The following CRX variants were observed in gnomAD, a reference collection of about 807,000 sequenced individuals.
CRX encodes the protein cone-rod homeobox.
CRX carries 5 observed loss-of-function variants against 13.1 expected under a neutral mutation model. The ratio of observed to expected loss-of-function variants is 0.38; its 90% CI spans 0.20 to 0.80. The LOEUF is 0.80. Ranked by LOEUF, CRX falls within the 30% of genes least tolerant of loss-of-function variation. The pLI, the probability that CRX is intolerant of heterozygous loss-of-function variation, is 0.43. For synonymous variants in CRX, 179 were observed against 171.1 expected (o/e 1.05, Z -0.36); for missense variants, 351 against 391.8 (o/e 0.90, Z 0.88).
At position 47,839,421 on chromosome 19, in the gene CRX, G is replaced by T. The variant is rs1266328918; in HGVS notation, c.354G>T (p.Lys118Asn). ...GCCAGGCCAAGGCCCGGCCTGCCAA[G>T]AGGAAGGCGGGCACGTCCCCAAGAC... is the stretch of plus-strand genomic sequence containing the variant. ...PGGQAKARPA[K>N]RKAGTSPRPS... is the part of the protein sequence containing the mutation. Residue 118 changes from lysine to asparagine, a missense_variant, in exon 4 of 4, where the codon AAG becomes AAT. By Grantham distance (94) the Lys-to-Asn change is moderately conservative. This residue lies in a region of CRX where 253 missense variants were observed against 268.3 expected (regional missense o/e 0.94). Transcript: ENST00000221996. This position sits in a 1 kb window ranked among gnomAD's most constrained non-coding sequence, Gnocchi z 4.6. 1 of 1,613,850 alleles carries T rather than the reference G, an allele frequency of 6.2e-7. No individual in the cohort carries two copies. Among genetic ancestry groups the T allele is most frequent in the Non-Finnish European group, 8.5e-7 (1 of 1,179,868 alleles).
At chr19:47,823,782 T>C (rs1429908182) in intron 1 of CRX, among the ~76,000 whole-genome samples, 1 of 151,878 alleles carries the variant, frequency 6.6e-6, no homozygotes, top group Non-Finnish European at 1.5e-5. Flanking sequence ...CTCAAGTATC[T>C]GGGATTACAG....
Position 47,839,444 on chromosome 19 carries a change from G to C in CRX, c.377G>C (p.Arg126Thr). 6.2e-7 allele frequency: 1 copy of C among 1,613,950 alleles called. No homozygotes were observed. Among genetic ancestry groups the C allele is most frequent in the Non-Finnish European group, 8.5e-7 (1 of 1,179,914 alleles). The change falls in exon 4 of 4, where the codon AGA becomes ACA. Residue 126 changes from arginine to threonine, a missense_variant. Physicochemically the swap from Arg to Thr is moderately conservative, Grantham distance 71 (BLOSUM62 -1). Around this residue, in one of 3 missense-constraint regions of CRX, gnomAD observed 253 missense variants for 268.3 expected, o/e 0.94. Transcript: ENST00000221996. The surrounding 1 kb of genome is among the most constrained non-coding windows in gnomAD (Gnocchi z 4.6). ...PAKRKAGTSP[R>T]PSTDVCPDPL... ...AAGAGGAAGGCGGGCACGTCCCCAAGACCCTCCACAGATGTGTGTCCAGAC... is the reference window on the plus strand; with the variant it reads ...AAGAGGAAGGCGGGCACGTCCCCAACACCCTCCACAGATGTGTGTCCAGAC...
chr19:47,823,426 T>C (rs1384898120), intron 1 of CRX, among the ~76,000 whole-genome samples: 1 of 152,144 alleles, frequency 6.6e-6, no homozygotes, highest in Non-Finnish European at 1.5e-5. Context: ...ACATTGTTGA[T>C]CACGGAGTTG....
chr19:47,833,055 TA>T (rs1185210284), intron 1 of CRX, among the ~76,000 whole-genome samples: 6 of 76,910 alleles, frequency 7.8e-5, no homozygotes, highest in Non-Finnish European at 1.2e-4. Context: ...TTTTTTGAGA[TA>T]GGGGTCTATT....
chr19:47,825,326 T>C (rs1599968110), intron 1 of CRX, among the ~76,000 whole-genome samples: 1 of 152,030 alleles, frequency 6.6e-6, no homozygotes, highest in South Asian at 2.1e-4. Context: ...AGTGGCTGGA[T>C]CATAGCTCAC....
At chr19:47,832,269 C>A (rs1284405670) in intron 1 of CRX, among the ~76,000 whole-genome samples, 2 of 147,182 alleles carry the variant, frequency 1.4e-5, no homozygotes, top group African/African-American at 5.3e-5. Context: ...CCATGCCCGG[C>A]TAATTTTTGT....
At chr19:47,837,883 G>A (rs955893750) in intron 3 of CRX, among the ~76,000 whole-genome samples, 2 of 152,042 alleles carry the variant, frequency 1.3e-5, no homozygotes, top group African/African-American at 2.4e-5. Context: ...ATATGTGTGA[G>A]GTATGTATAT....
chr19:47,839,536 G>A lies in CRX; in HGVS notation c.469G>A (p.Val157Met). 2 of 1,613,546 alleles carry A rather than the reference G, an allele frequency of 1.2e-6. No homozygotes were observed. Among genetic ancestry groups the A allele is most frequent in the East Asian group, 2.2e-5 (1 of 44,864 alleles). The change falls in exon 4 of 4, where the codon GTG becomes ATG. Residue 157 changes from valine (V) to methionine (M), a missense_variant. Physicochemically the swap from Val to Met is conservative, Grantham distance 21. Transcript: ENST00000221996. This position sits in a 1 kb window ranked among gnomAD's most constrained non-coding sequence, Gnocchi z 4.6. Reference protein sequence around the residue: ...PGPSGSPTTAVATVSIWSPAS... With the variant: ...PGPSGSPTTAMATVSIWSPAS... Reference sequence around the variant, plus strand: ...CCCCTCAGGCTCCCCAACCACGGCAGTGGCCACTGTGTCCATCTGGAGCCC... The same window carrying A: ...CCCCTCAGGCTCCCCAACCACGGCAATGGCCACTGTGTCCATCTGGAGCCC...
chr19:47,834,663 C>A, intron 2 of CRX, 120 bp downstream of exon 2: 1 of 730,660 alleles, frequency 1.4e-6, no homozygotes, highest in Non-Finnish European at 2.4e-6. Flanking sequence ...CATACACCAG[C>A]CCTCTGGGTT....
At chr19:47,832,021 G>A (rs1968053318) in intron 1 of CRX, among the ~76,000 whole-genome samples, 1 of 149,348 alleles carries the variant, frequency 6.7e-6, no homozygotes, top group Non-Finnish European at 1.5e-5. Flanking sequence ...TTGCAGATGT[G>A]AGCCACCACA....
chr19:47,830,269 G>A (rs1968027464), intron 1 of CRX, among the ~76,000 whole-genome samples: 1 of 151,490 alleles, frequency 6.6e-6, no homozygotes. Flanking sequence ...TGGCAACGCC[G>A]CTGCACTCCG....
At chr19:47,827,919 C>T (rs12980039) in intron 1 of CRX, among the ~76,000 whole-genome samples, 25,012 of 136,158 alleles carry the variant, frequency 0.18, 2,476 homozygotes, top group Non-Finnish European at 0.22. Flanking sequence ...TTTGGGAGGC[C>T]GAGGCGGGTG....
intron 1 of CRX, among the ~76,000 whole-genome samples, chr19:47,824,208 C>T (rs968949782): frequency 5.9e-5 from 9 of 152,198 alleles, no homozygotes; most frequent in African/African-American, 2.2e-4. Flanking sequence ...TTAAATTTTA[C>T]CCCTGGTTCT....
At position 47,843,015 on chromosome 19, in the gene CRX, C is replaced by G. The variant is rs1268576006; in HGVS notation, c.*3048C>G. 6.6e-6 allele frequency: 1 copy of G among 152,220 alleles called. No individual in the cohort carries two copies. Among genetic ancestry groups the G allele is most frequent in the Non-Finnish European group, 1.5e-5 (1 of 68,084 alleles). 9.4% of individuals were successfully genotyped at this position (152,220 alleles called of 1,614,324 possible). A position where few individuals can be genotyped will look rare whatever the true frequency, so the allele number is the denominator to read the frequency against. ...GGTAAGACTTCGAGAGAGCCTGATC[C>G]TGGGGTCTTCTGAGACTCCACCAGG... On this transcript the variant is annotated 3_prime_UTR_variant, in exon 4 of 4. Transcript: ENST00000221996.
intron 1 of CRX, among the ~76,000 whole-genome samples, chr19:47,828,166 A>AT (rs200662788): frequency 3.3e-5 from 5 of 151,056 alleles, no homozygotes; most frequent in Admixed American, 2.0e-4. Context: ...AAAAAAAAAA[A>AT]TTTTTTTTTC....
chr19:47,839,686 G>C lies in CRX; in HGVS notation c.619G>C (p.Ala207Pro). The change falls in exon 4 of 4, where the codon GCC becomes CCC. Residue 207 changes from alanine to proline, a missense_variant. By Grantham distance (27) the Ala-to-Pro change is conservative. This residue lies in a region of CRX where 253 missense variants were observed against 268.3 expected (regional missense o/e 0.94). Transcript: ENST00000221996. This position sits in a 1 kb window ranked among gnomAD's most constrained non-coding sequence, Gnocchi z 4.6. The part of the protein sequence containing the change: ...PASAFCSSPS[A>P]YGSPSSYFSG... ...CTCCGCTTTCTGCTCTTCCCCCTCC[G>C]CCTATGGGTCTCCGAGCTCCTATTT... 6.2e-7 allele frequency: 1 copy of C among 1,613,612 alleles called. No individual in the cohort carries two copies. The highest frequency in any genetic ancestry group is 8.5e-7 in the Non-Finnish European group (1 of 1,179,960).
chr19:47,836,581 C>G (rs189899514), intron 3 of CRX, among the ~76,000 whole-genome samples, 187 bp downstream of exon 3: 1 of 152,382 alleles, frequency 6.6e-6, no homozygotes, highest in Admixed American at 6.5e-5. Flanking sequence ...TCGCTCCTCT[C>G]CAGCTGCGCT....
rs776579002 is a variant in CRX at position 47,842,026 on chromosome 19, G to C, written c.*2059G>C. On this transcript the variant is annotated 3_prime_UTR_variant, in exon 4 of 4. Transcript: ENST00000221996. ...GCAACCGGAGGTCACTGAACTAAGAGTTGGGAAGAGATAGGGCACAATATA... is the reference window on the plus strand; with the variant it reads ...GCAACCGGAGGTCACTGAACTAAGACTTGGGAAGAGATAGGGCACAATATA... 1 of 152,222 alleles carries C rather than the reference G, an allele frequency of 6.6e-6. No individual in the cohort carries two copies. Among genetic ancestry groups the C allele is most frequent in the Non-Finnish European group, 1.5e-5 (1 of 68,048 alleles). The allele number at this position is 152,222 out of a possible 1,614,324, so 9.4% of individuals were successfully genotyped here.
In CRX at chr19:47,841,202, A is replaced by G. The variant is rs1968192786; in HGVS notation, c.*1235A>G. The G allele has an allele frequency of 6.6e-6, 1 of 152,174 alleles. No homozygotes were observed. The highest frequency in any genetic ancestry group is 1.5e-5 in the Non-Finnish European group (1 of 68,030). The allele number at this position is 152,174 out of a possible 1,614,324, so 9.4% of individuals were successfully genotyped here. On this transcript the variant is annotated 3_prime_UTR_variant, in exon 4 of 4. Coordinates refer to ENST00000221996, the MANE Select transcript of CRX (RefSeq NM_000554.6). The stretch of plus-strand genomic sequence containing the variant: ...GTAGGTTTAGGGGACCGTTTGAGAG[A>G]CAAAGATCTACATTCATATATGTAG...
Sources: allele counts gnomAD v4.1 joint callset (sites outside exome capture counted in the v4.1 genomes callset), GRCh38; gene constraint gnomAD v4.1.1; regional missense constraint gnomAD v4.1.1; non-coding constraint Gnocchi (gnomAD v3.1); transcripts MANE v1.5; gene names NCBI Gene and HGNC (gene_info 2026-07-23, HGNC 2026-07-21).